TSHZ3: variants seen among roughly 807,000 people sequenced by gnomAD.
The protein encoded by TSHZ3 is teashirt zinc finger homeobox 3.
TSHZ3 carries 10 observed loss-of-function variants against 64.5 expected under a neutral mutation model. The observed-to-expected ratio is 0.16, with a 90% confidence interval of 0.10 to 0.26. The LOEUF (loss-of-function observed/expected upper bound fraction) is 0.26. TSHZ3 is among the 10% of genes least tolerant of loss of function. TSHZ3 has a pLI of 1.00. For missense variants in TSHZ3, 1,242 were observed against 1,421.7 expected (o/e 0.87, Z 2.03); for synonymous variants, 608 against 593.1 (o/e 1.03, Z -0.36).
intron 1 of TSHZ3, among the ~76,000 whole-genome samples, chr19:31,307,173 A>C (rs1916324473): frequency 6.6e-6 from 1 of 152,214 alleles, no homozygotes; most frequent in South Asian, 2.1e-4. Flanking sequence ...TAATTTTGGA[A>C]GCTGCCTCTA....
At chr19:31,162,124 T>C (rs1974381140) in intron 5 of TSHZ3, among the ~76,000 whole-genome samples, 1 of 152,174 alleles carries the variant, frequency 6.6e-6, no homozygotes, top group South Asian at 2.1e-4. Flanking sequence ...AGCTTCGTTA[T>C]TTGCTCCCCT....
At chr19:31,315,342 G>A (rs901987966) in intron 1 of TSHZ3, among the ~76,000 whole-genome samples, 11 of 152,210 alleles carry the variant, frequency 7.2e-5, no homozygotes, top group South Asian at 2.1e-4. Flanking sequence ...GTCCCAAAGC[G>A]TCCCCGGTCT....
chr19:31,256,048 G>T (rs2145195026), intron 1 of TSHZ3, among the ~76,000 whole-genome samples: 1 of 152,272 alleles, frequency 6.6e-6, no homozygotes, highest in South Asian at 2.1e-4. Context: ...AAAACTGAGT[G>T]CATGGTCATT....
At chr19:31,342,210 G>C (rs562072725) in intron 1 of TSHZ3, among the ~76,000 whole-genome samples, 58 of 152,156 alleles carry the variant, frequency 3.8e-4, no homozygotes, top group Non-Finnish European at 7.3e-4. Flanking sequence ...GTAAGCCAAA[G>C]AAAGAAAACA....
At chr19:31,207,731 TG>T (rs1205042067) in intron 4 of TSHZ3, 2 of 152,350 alleles carry the variant, frequency 1.3e-5, no homozygotes, top group Admixed American at 1.3e-4. Flanking sequence ...AAGAATGGAT[TG>T]GCCAGATCGA....
At chr19:31,321,882 C>T (rs1212053189) in intron 1 of TSHZ3, among the ~76,000 whole-genome samples, 4 of 151,860 alleles carry the variant, frequency 2.6e-5, no homozygotes, top group Admixed American at 6.6e-5. Context: ...GCAGAACGTG[C>T]ATGTTTGTTA....
At chr19:31,191,990 A>G (rs1599572593) in intron 5 of TSHZ3, among the ~76,000 whole-genome samples, 4 of 152,380 alleles carry the variant, frequency 2.6e-5, no homozygotes, top group Admixed American at 2.6e-4. Flanking sequence ...AAAGTAAGAT[A>G]CACAACAATA....
intron 5 of TSHZ3, among the ~76,000 whole-genome samples, chr19:31,166,880 T>G (rs1380512736): frequency 6.6e-6 from 1 of 152,226 alleles, no homozygotes; most frequent in Non-Finnish European, 1.5e-5. Context: ...ATATATATTT[T>G]CAAAGCCTGG....
intron 4 of TSHZ3, among the ~76,000 whole-genome samples, chr19:31,212,282 C>A (rs1440607918): frequency 2.0e-5 from 3 of 151,824 alleles, no homozygotes; most frequent in African/African-American, 7.3e-5. Flanking sequence ...ATGGTGAAAC[C>A]CTGTCTCTAC....
At chr19:31,298,800 G>A (rs1976705408) in intron 1 of TSHZ3, among the ~76,000 whole-genome samples, 1 of 152,142 alleles carries the variant, frequency 6.6e-6, no homozygotes, top group African/African-American at 2.4e-5. Flanking sequence ...AAGCAGCCAG[G>A]GCTTTTACTG....
At chr19:31,234,293 G>A (rs1048482203) in intron 3 of TSHZ3, among the ~76,000 whole-genome samples, 4 of 151,288 alleles carry the variant, frequency 2.6e-5, no homozygotes, top group Admixed American at 1.3e-4. Context: ...TTTTCTATAC[G>A]GATAATGATA....
Position 31,276,358 on chromosome 19 carries a change from C to T in TSHZ3, c.*189G>A, listed in dbSNP as rs1403693401. The T allele has an allele frequency of 6.3e-6, 3 of 474,296 alleles. No homozygotes were observed. Among genetic ancestry groups the T allele is most frequent in the Non-Finnish European group, 1.1e-5 (3 of 278,642 alleles). The allele number at this position is 474,296 out of a possible 1,614,324, so 29.4% of individuals were successfully genotyped here. A position where few individuals can be genotyped will look rare whatever the true frequency, so the allele number is the denominator to read the frequency against. ...ACTGCATTTTAACCTTCATATTTTACCAGTAACAACAGCTGATTATGCACC... is the reference window on the plus strand; with the variant it reads ...ACTGCATTTTAACCTTCATATTTTATCAGTAACAACAGCTGATTATGCACC... On this transcript the variant is annotated 3_prime_UTR_variant, in exon 2 of 2. Transcript: ENST00000240587.
intron 4 of TSHZ3, among the ~76,000 whole-genome samples, chr19:31,220,426 G>T (rs1975382367): frequency 6.6e-6 from 1 of 152,138 alleles, no homozygotes; most frequent in Admixed American, 6.5e-5. Context: ...CAGCAACTGA[G>T]GTCTCTCACT....
At chr19:31,245,916 C>T (rs767837950) in intron 1 of TSHZ3, among the ~76,000 whole-genome samples, 15 of 152,270 alleles carry the variant, frequency 9.9e-5, no homozygotes, top group Non-Finnish European at 1.8e-4. Context: ...CCCAACAATC[C>T]TACTTCTCTG....
At chr19:31,206,565 G>A (rs1296113200) in intron 4 of TSHZ3, among the ~76,000 whole-genome samples, 1 of 152,152 alleles carries the variant, frequency 6.6e-6, no homozygotes, top group Non-Finnish European at 1.5e-5. Context: ...TCCTTCAGCT[G>A]TCTTATATTC....
chr19:31,301,715 T>A lies in TSHZ3; in HGVS notation c.41-21963A>T, dbSNP rs1263767836. ...GGTGCTTGGAAAAATACATCCGGAT[T>A]TTTCCGGACATGTTTGCCAGACATG... is the stretch of plus-strand genomic sequence containing the variant. On this transcript the variant is annotated intron_variant, in intron 1 of 1. Coordinates refer to ENST00000240587, the MANE Select transcript of TSHZ3 (RefSeq NM_020856.4). Among the ~76,000 whole-genome samples, 4 of 152,084 alleles carry A rather than the reference T, an allele frequency of 2.6e-5. No individual in the cohort carries two copies. The East Asian group carries it at 7.8e-4, about 30-fold the overall frequency.
At chr19:31,350,046 C>G (rs1272777978), upstream of TSHZ3, among the ~76,000 whole-genome samples, 2 of 143,334 alleles carry the variant, frequency 1.4e-5, no homozygotes, top group Non-Finnish European at 3.1e-5. Context: ...CGTTACCCCC[C>G]ACCCCTATTC....
intron 3 of TSHZ3, among the ~76,000 whole-genome samples, chr19:31,239,104 C>T (rs1015858596): frequency 2.0e-5 from 3 of 151,706 alleles, no homozygotes; most frequent in Admixed American, 6.6e-5. Context: ...AATATTATAC[C>T]TCTTCACATT....
At chr19:31,196,360 G>T (rs539429410) in intron 5 of TSHZ3, among the ~76,000 whole-genome samples, 1 of 151,904 alleles carries the variant, frequency 6.6e-6, no homozygotes, top group African/African-American at 2.4e-5. Flanking sequence ...ACTTATATAA[G>T]TTTTTCAGTT....
Sources: allele counts gnomAD v4.1 joint callset (sites outside exome capture counted in the v4.1 genomes callset), GRCh38; gene constraint gnomAD v4.1.1; transcripts MANE v1.5; gene names NCBI Gene and HGNC (gene_info 2026-07-23, HGNC 2026-07-21).